The following UBAP1 variants were observed in gnomAD, a reference collection of about 807,000 sequenced individuals.
UBAP1 encodes the protein ubiquitin associated protein 1, also known as ubiquitin-associated protein 1.
A neutral mutation model predicts 39.0 loss-of-function variants in UBAP1; 5 were observed. The ratio of observed to expected loss-of-function variants is 0.13; its 90% CI spans 0.07 to 0.27. The LOEUF (loss-of-function observed/expected upper bound fraction) is 0.27. UBAP1 is among the 10% of genes least tolerant of loss of function. The pLI, the probability that UBAP1 is intolerant of heterozygous loss-of-function variation, is 1.00. For missense variants in UBAP1, 490 were observed against 608.1 expected, an observed-to-expected ratio of 0.81 and a Z score of 2.04; for synonymous variants, 211 against 225.1, an observed-to-expected ratio of 0.94 and a Z score of 0.56.
rs567694826 is a variant in UBAP1, at chr9:34,206,841, G to C, written c.-7-14067G>C. Among the ~76,000 whole-genome samples the C allele has an allele frequency of 8.6e-5, 13 of 151,986 alleles. No homozygotes were observed. In the East Asian group the frequency reaches 1.7e-3, roughly 20 times the overall value. The stretch of plus-strand genomic sequence containing the variant: ...TGACTACCCAGTTGTCCCATGACTT[G>C]ATTTTAAAAAGCAGCTTTATTATAT... On this transcript the variant is annotated intron_variant, in intron 1 of 6. Coordinates refer to ENST00000297661, the MANE Select transcript of UBAP1 (RefSeq NM_016525.5).
chr9:34,189,882 C>T (rs961139435), intron 1 of UBAP1, among the ~76,000 whole-genome samples: 2 of 150,426 alleles, frequency 1.3e-5, no homozygotes, highest in East Asian at 2.0e-4. Context: ...GTGATCTACC[C>T]GCCTCAGCCT....
At chr9:34,181,138 C>G (rs1830006723) in intron 1 of UBAP1, among the ~76,000 whole-genome samples, 5 of 9,506 alleles carry the variant, frequency 5.3e-4, no homozygotes, top group East Asian at 0.014. Context: ...TTTTTTGAGA[C>G]AGAGTTTCGC....
intron 2 of UBAP1, among the ~76,000 whole-genome samples, chr9:34,231,728 T>C (rs1833432062): frequency 1.3e-5 from 2 of 151,960 alleles, no homozygotes; most frequent in East Asian, 3.9e-4. Flanking sequence ...CACTGCAAGC[T>C]CCGCCTCCCG....
At chr9:34,248,042 A>ATTT (rs563972736) in intron 4 of UBAP1, among the ~76,000 whole-genome samples, 1 of 144,752 alleles carries the variant, frequency 6.9e-6, no homozygotes. Context: ...AATAGATACG[A>ATTT]TTTTTTTTTT....
chr9:34,186,421 C>T (rs1428635661), intron 1 of UBAP1, among the ~76,000 whole-genome samples: 2 of 152,146 alleles, frequency 1.3e-5, no homozygotes, highest in East Asian at 3.8e-4. Flanking sequence ...CAAACACTTC[C>T]AGTGTTTTGA....
intron 1 of UBAP1, among the ~76,000 whole-genome samples, chr9:34,202,624 C>CCTCTGTGTGTGTGTGTGT (rs1491103579): frequency 1.1e-4 from 12 of 107,364 alleles, no homozygotes; most frequent in African/African-American, 4.7e-4. Flanking sequence ...TAGACAGAAA[C>CCTCTGTGTGTGTGTGTGT]GTGTGTGTGT....
intron 2 of UBAP1, among the ~76,000 whole-genome samples, chr9:34,229,936 A>C (rs1833321134): frequency 6.6e-6 from 1 of 150,866 alleles, no homozygotes; most frequent in Non-Finnish European, 1.5e-5. Flanking sequence ...CTGCCTCCCA[A>C]AGTGTTGGGA....
Sources: gnomAD v4.1 joint callset for allele counts (sites outside exome capture counted in the v4.1 genomes callset) on GRCh38, gnomAD v4.1.1 for gene constraint, MANE v1.5 for transcripts, NCBI Gene and HGNC (gene_info 2026-07-23, HGNC 2026-07-21) for gene names.